EYS: variants seen among roughly 807,000 people sequenced by gnomAD.
The protein encoded by EYS is protein eyes shut homolog.
A neutral mutation model predicts 282.1 loss-of-function variants in EYS; 250 were observed. The ratio of observed to expected loss-of-function variants is 0.89; its 90% CI spans 0.80 to 0.98. The LOEUF is 0.98. Ranked by LOEUF, EYS falls within the 50% of genes least tolerant of loss-of-function variation. EYS has a pLI of 0.00. For synonymous variants in EYS, 1,355 were observed against 1,282.9 expected (o/e 1.06, Z -1.20); for missense variants, 4,016 against 3,709.0 (o/e 1.08, Z -2.15).
At chr6:65,627,748 C>G (rs34325895) in intron 2 of EYS, among the ~76,000 whole-genome samples, 3 of 152,158 alleles carry the variant, frequency 2.0e-5, no homozygotes, top group African/African-American at 4.8e-5. Context: ...ATGCTGCGCT[C>G]GATTTCTCAC....
chr6:65,159,378 A>T (rs2150220417), intron 12 of EYS, among the ~76,000 whole-genome samples: 1 of 150,906 alleles, frequency 6.6e-6, no homozygotes, highest in South Asian at 2.1e-4. Flanking sequence ...ACTACCTAAT[A>T]CTTCCGTTTT....
chr6:65,618,390 C>T (rs909053170), intron 2 of EYS, among the ~76,000 whole-genome samples: 13 of 152,132 alleles, frequency 8.5e-5, no homozygotes, highest in Admixed American at 2.6e-4. Context: ...GCCCACTTTT[C>T]GATGGGGCTG....
chr6:65,230,556 T>C (rs970607545), intron 12 of EYS, among the ~76,000 whole-genome samples: 1 of 151,898 alleles, frequency 6.6e-6, no homozygotes, highest in Non-Finnish European at 1.5e-5. Flanking sequence ...AAAAATTTAC[T>C]GTCTTGGTTA....
chr6:64,302,552 G>T (rs768481249), intron 30 of EYS, among the ~76,000 whole-genome samples: 1 of 152,030 alleles, frequency 6.6e-6, no homozygotes, highest in South Asian at 2.1e-4. Context: ...AACTGATAAT[G>T]GTCCAGCTTA....
intron 31 of EYS, among the ~76,000 whole-genome samples, chr6:64,165,101 G>A (rs1421453259): frequency 1.3e-5 from 2 of 152,098 alleles, no homozygotes; most frequent in Non-Finnish European, 2.9e-5. Context: ...GTTAATGGCT[G>A]ACTATAAGTA....
At position 64,388,825 on chromosome 6, in the gene EYS, T is replaced by C. The variant is rs1448655647; in HGVS notation, c.5943A>G (p.Pro1981=). ...YTLLIRQELD[P]CNAELTILGR... is the part of the protein sequence containing the mutation. ...CTAAAATAGTCAGCTCAGCGTTACA[T>C]GGATCCAATTCTTGCCTGTAACCAT... is the stretch of plus-strand genomic sequence containing the variant. Residue 1981 remains proline, a synonymous_variant, in exon 29 of 43, where the codon CCA becomes CCG. Transcript: ENST00000503581. The C allele has an allele frequency of 6.6e-7, 1 of 1,521,240 alleles. No individual in the cohort carries two copies. The highest frequency in any genetic ancestry group is 1.3e-5 in the South Asian group (1 of 76,524). 94.2% of individuals were successfully genotyped at this position (1,521,240 alleles called of 1,614,324 possible).
intron 28 of EYS, among the ~76,000 whole-genome samples, chr6:64,407,266 G>A (rs9342249): frequency 0.28 from 41,523 of 150,842 alleles, 5,844 homozygotes; most frequent in East Asian, 0.46. Flanking sequence ...CATGGACACA[G>A]GGAGGGGATC....
chr6:65,371,741 CTGTGTGTGTG>C (rs112663745), intron 8 of EYS, among the ~76,000 whole-genome samples: 3 of 70,280 alleles, frequency 4.3e-5, no homozygotes, highest in East Asian at 7.7e-4. Flanking sequence ...CTCTCTCTCT[CTGTGTGTGTG>C]TGTGTGTGTG....
chr6:65,297,030 GATC>G, intron 11 of EYS, among the ~76,000 whole-genome samples: 1 of 151,548 alleles, frequency 6.6e-6, no homozygotes, highest in East Asian at 1.9e-4. Context: ...TAATTTATTT[GATC>G]ATTATACATT....
At chr6:64,749,053 G>T (rs942392252) in intron 22 of EYS, among the ~76,000 whole-genome samples, 1 of 152,214 alleles carries the variant, frequency 6.6e-6, no homozygotes, top group Non-Finnish European at 1.5e-5. Flanking sequence ...GATGACAGGC[G>T]TGAGCCACCA....
At chr6:64,640,699 C>A (rs1768112663) in intron 22 of EYS, among the ~76,000 whole-genome samples, 1 of 151,838 alleles carries the variant, frequency 6.6e-6, no homozygotes, top group Admixed American at 6.6e-5. Flanking sequence ...TGCACATGTA[C>A]CCTAAAACTT....
intron 31 of EYS, among the ~76,000 whole-genome samples, chr6:64,115,055 T>C (rs752969258): frequency 5.3e-5 from 8 of 152,152 alleles, no homozygotes; most frequent in Admixed American, 3.9e-4. Flanking sequence ...ACTTTATGCA[T>C]GCCCAAGCTC....
At chr6:64,389,688 C>A (rs370004126) in intron 28 of EYS, among the ~76,000 whole-genome samples, 87 of 152,318 alleles carry the variant, frequency 5.7e-4, no homozygotes, top group African/African-American at 1.7e-3. Context: ...GGTAGATGCA[C>A]TATTCAATTT....
intron 26 of EYS, among the ~76,000 whole-genome samples, chr6:64,464,001 T>A (rs1775840427): frequency 6.6e-6 from 1 of 152,114 alleles, no homozygotes; most frequent in Non-Finnish European, 1.5e-5. Context: ...AAGATAAAAT[T>A]ACAGACCAAC....
intron 12 of EYS, among the ~76,000 whole-genome samples, chr6:65,259,370 G>C (rs923019596): frequency 1.3e-5 from 2 of 152,048 alleles, no homozygotes; most frequent in Non-Finnish European, 2.9e-5. Context: ...CAGTTTTGCA[G>C]CAAATTTTCT....
chr6:64,518,246 T>TA (rs1306209372), intron 26 of EYS, among the ~76,000 whole-genome samples: 1 of 151,758 alleles, frequency 6.6e-6, no homozygotes, highest in Non-Finnish European at 1.5e-5. Flanking sequence ...ATTTTGGATG[T>TA]AAAAAACAAA....
At chr6:65,686,110 T>C (rs1459125771) in intron 1 of EYS, among the ~76,000 whole-genome samples, 1 of 152,054 alleles carries the variant, frequency 6.6e-6, no homozygotes, top group Non-Finnish European at 1.5e-5. Context: ...CATCTAATGA[T>C]AGCCAGATGC....
At chr6:64,195,228 CTG>C (rs1467921980) in intron 31 of EYS, among the ~76,000 whole-genome samples, 2 of 152,112 alleles carry the variant, frequency 1.3e-5, no homozygotes, top group African/African-American at 2.4e-5. Context: ...TGGTGACAAA[CTG>C]TTTTTTTGAG....
At chr6:65,138,166 T>TA (rs1204801796) in intron 12 of EYS, among the ~76,000 whole-genome samples, 1 of 152,096 alleles carries the variant, frequency 6.6e-6, no homozygotes, top group Non-Finnish European at 1.5e-5. Context: ...ATTTGAGTCC[T>TA]ATTGAGGAAA....
Sources: allele counts gnomAD v4.1 joint callset (sites outside exome capture counted in the v4.1 genomes callset), GRCh38; gene constraint gnomAD v4.1.1; transcripts MANE v1.5; gene names NCBI Gene and HGNC (gene_info 2026-07-23, HGNC 2026-07-21).